SYT7: variants seen among roughly 807,000 people sequenced by gnomAD.
SYT7 encodes the protein synaptotagmin-7.
Under a neutral mutation model 75.1 loss-of-function variants are expected in SYT7, and 29 were observed. The observed-to-expected ratio is 0.39, with a 90% confidence interval of 0.29 to 0.53. SYT7 has a LOEUF of 0.53. Ranked by LOEUF, SYT7 falls within the 20% of genes least tolerant of loss-of-function variation. The pLI is 0.77. For missense variants in SYT7, 693 were observed against 953.2 expected (o/e 0.73, Z 3.59); for synonymous variants, 376 against 401.7 (o/e 0.94, Z 0.76).
rs1478565256 is a variant in SYT7 at position 61,538,320 on chromosome 11, C to T, written c.942-54G>A. On this transcript the variant is annotated intron_variant, in intron 6 of 12. Coordinates refer to ENST00000539008, the MANE Select transcript of SYT7 (RefSeq NM_001365809.2). ...GGGTGAAACGAGGAGGCCCCGTGGG[C>T]GGGGGCAGGGGGGAAGGAGAGAGAG... 6.8e-5 allele frequency: 63 copies of T among 929,350 alleles called. No homozygotes were observed. In the East Asian group the frequency reaches 1.1e-3, roughly 16 times the overall value. 57.6% of individuals were successfully genotyped at this position (929,350 alleles called of 1,614,324 possible).
chr11:61,543,177 G>A (rs1214575942), intron 5 of SYT7, among the ~76,000 whole-genome samples: 1 of 152,224 alleles, frequency 6.6e-6, no homozygotes, highest in Non-Finnish European at 1.5e-5. Flanking sequence ...CCTGTGGCCA[G>A]CACAGCCTTA....
intron 1 of SYT7, among the ~76,000 whole-genome samples, chr11:61,578,872 T>G (rs1590967652): frequency 6.6e-6 from 1 of 151,830 alleles, no homozygotes. Context: ...GCAACTGGGG[T>G]GGGCAAGACA....
intron 3 of SYT7, among the ~76,000 whole-genome samples, chr11:61,548,460 C>A (rs1242164072): frequency 6.6e-6 from 1 of 152,208 alleles, no homozygotes; most frequent in Non-Finnish European, 1.5e-5. Flanking sequence ...ACCAGCTCAT[C>A]AGGCTACTGG....
rs2062111283 is a variant in SYT7 at position 61,514,670 on chromosome 11, A to G, written c.*3957T>C. ...TGGCCAGAAGAAACAGGTGGAAGGAAAGAGCTTGCCCAGGGCCACAGAGGC... is the reference window on the plus strand; with the variant it reads ...TGGCCAGAAGAAACAGGTGGAAGGAGAGAGCTTGCCCAGGGCCACAGAGGC... On this transcript the variant is annotated 3_prime_UTR_variant, in exon 13 of 13. Coordinates refer to ENST00000539008, the MANE Select transcript of SYT7 (RefSeq NM_001365809.2). 6.6e-6 allele frequency among the ~76,000 whole-genome samples: 1 copy of G among 152,172 alleles called. No homozygotes were observed. The highest frequency in any genetic ancestry group is 1.5e-5 in the Non-Finnish European group (1 of 68,036).
In SYT7 at chr11:61,513,810, C is replaced by T. The variant is rs760741608; in HGVS notation, c.*4817G>A. Among the ~76,000 whole-genome samples, 2 of 152,210 alleles carry T rather than the reference C, an allele frequency of 1.3e-5. No individual in the cohort carries two copies. Among genetic ancestry groups the T allele is most frequent in the South Asian group, 4.1e-4 (2 of 4,828 alleles). On this transcript the variant is annotated 3_prime_UTR_variant, in exon 13 of 13. Coordinates refer to ENST00000539008, the MANE Select transcript of SYT7 (RefSeq NM_001365809.2). ...CCCTGCCCAGGGGGCTCACAATCTACACAAGACACGACACATACACGCAGG... is the reference window on the plus strand; with the variant it reads ...CCCTGCCCAGGGGGCTCACAATCTATACAAGACACGACACATACACGCAGG...
intron 1 of SYT7, among the ~76,000 whole-genome samples, chr11:61,570,044 G>A (rs907088009): frequency 6.6e-6 from 1 of 152,210 alleles, no homozygotes; most frequent in Non-Finnish European, 1.5e-5. Flanking sequence ...GGCCCTCCTG[G>A]GCCACACAGC....
intron 1 of SYT7, among the ~76,000 whole-genome samples, chr11:61,577,909 A>C (rs1376371407): frequency 6.6e-6 from 1 of 152,018 alleles, no homozygotes; most frequent in African/African-American, 2.4e-5. Context: ...CTGCCTGCCC[A>C]CTGCAACGCT....
intron 5 of SYT7, 78 bp downstream of exon 5, chr11:61,545,953 G>T: frequency 7.4e-7 from 1 of 1,350,684 alleles, no homozygotes; most frequent in South Asian, 1.3e-5. Context: ...CAGCGGGCAT[G>T]CCAGGGGTCC....
Position 61,556,111 on chromosome 11 carries a change from CGCT to C in SYT7, c.125_127del (p.Gln42del). ...GGCCCTCAGGAGCCTCACCAGTTTG[CGCT>C]GACACCAGTGGCAGAGGCCGCAGAG... On this transcript the variant is annotated inframe_deletion, in exon 2 of 13. Coordinates refer to ENST00000539008, the MANE Select transcript of SYT7 (RefSeq NM_001365809.2). 1 of 1,613,360 alleles carries C rather than the reference CGCT, an allele frequency of 6.2e-7. No homozygotes were observed. The highest frequency in any genetic ancestry group is 8.5e-7 in the Non-Finnish European group (1 of 1,179,664).
chr11:61,571,684 G>A (rs917525116), intron 1 of SYT7, among the ~76,000 whole-genome samples: 7 of 152,320 alleles, frequency 4.6e-5, no homozygotes, highest in Non-Finnish European at 8.8e-5. Context: ...TGGCTCCCAC[G>A]GCCCAAAGAT....
chr11:61,547,197 G>A lies in SYT7; in HGVS notation c.327C>T (p.Gly109=), dbSNP rs189638022. 11 of 1,535,480 alleles carry A rather than the reference G, an allele frequency of 7.2e-6. No individual in the cohort carries two copies. Among genetic ancestry groups the A allele is most frequent in the African/African-American group, 6.8e-5 (5 of 72,998 alleles). Residue 109 remains glycine (G), a synonymous_variant, in exon 4 of 13, where the codon GGC becomes GGT. Transcript: ENST00000539008. ...ILNISPYAPY[G]DPRLSLNGTL... ...CTCACTTGAGGGACAGTCGTGGGTCGCCATAAGGGGCGTAGGGTGAAATGT... is the reference window on the plus strand; with the variant it reads ...CTCACTTGAGGGACAGTCGTGGGTCACCATAAGGGGCGTAGGGTGAAATGT...
At chr11:61,538,107 TGCC>T (rs771558579) in intron 7 of SYT7, 34 bp downstream of exon 7, 12 of 1,532,526 alleles carry the variant, frequency 7.8e-6, no homozygotes, top group Non-Finnish European at 1.0e-5. Flanking sequence ...CCTCCTTCTC[TGCC>T]GCCGCCGCCG....
chr11:61,552,555 C>A (rs978084630), intron 2 of SYT7, among the ~76,000 whole-genome samples: 2 of 152,222 alleles, frequency 1.3e-5, no homozygotes, highest in Non-Finnish European at 2.9e-5. Context: ...ACAGCCACAA[C>A]AGTCAATTAT....
intron 1 of SYT7, among the ~76,000 whole-genome samples, chr11:61,579,893 G>T (rs963729808): frequency 7.2e-5 from 11 of 152,222 alleles, no homozygotes; most frequent in African/African-American, 2.4e-4. Flanking sequence ...GTGGGAGCGG[G>T]GATGGAGCCT....
In SYT7 at chr11:61,524,288, G is replaced by C; in HGVS notation, c.1641+75C>G. The C allele has an allele frequency of 6.4e-7, 1 of 1,563,044 alleles. No homozygotes were observed. The highest frequency in any genetic ancestry group is 8.7e-7 in the Non-Finnish European group (1 of 1,150,234). On this transcript the variant is annotated intron_variant, in intron 10 of 12. Transcript: ENST00000539008. The surrounding 1 kb of genome is among the most constrained non-coding windows in gnomAD (Gnocchi z 4.1). Reference sequence around the variant, plus strand: ...CAGCCCTCCTGGCCTTCCTAAGGTTGACAAGGGTCTGGGACCAGATCTCCC... The same window carrying C: ...CAGCCCTCCTGGCCTTCCTAAGGTTCACAAGGGTCTGGGACCAGATCTCCC...
intron 7 of SYT7, chr11:61,533,565 G>A (rs1441616594): frequency 1.0e-6 from 1 of 985,284 alleles, no homozygotes; most frequent in Non-Finnish European, 1.2e-6. Context: ...ATTACCCTCT[G>A]CAAACACGCC....
intron 7 of SYT7, among the ~76,000 whole-genome samples, chr11:61,537,390 A>G (rs1033267852): frequency 1.6e-4 from 24 of 151,706 alleles, no homozygotes; most frequent in Non-Finnish European, 1.2e-4. Context: ...AATTCCTGAT[A>G]GCTGAGGCTG....
At position 61,523,709 on chromosome 11, in the gene SYT7, C is replaced by A. The variant is rs1188034082; in HGVS notation, c.1756+118G>T. The A allele has an allele frequency of 7.8e-6, 8 of 1,020,050 alleles. No individual in the cohort carries two copies. Among genetic ancestry groups the A allele is most frequent in the Non-Finnish European group, 1.2e-5 (8 of 685,810 alleles). The allele number at this position is 1,020,050 out of a possible 1,614,324, so 63.2% of individuals were successfully genotyped here. ...AGGGTAAGGAGTGAGGACTGGAGGT[C>A]GGGGTGTGGCGGGTTGGGGTGAGGA... is the stretch of plus-strand genomic sequence containing the variant. On this transcript the variant is annotated intron_variant, in intron 11 of 12. Coordinates refer to ENST00000539008, the MANE Select transcript of SYT7 (RefSeq NM_001365809.2). The surrounding 1 kb of genome is among the most constrained non-coding windows in gnomAD (Gnocchi z 5.0).
chr11:61,575,985 C>T (rs528881482), intron 1 of SYT7, among the ~76,000 whole-genome samples: 3 of 152,168 alleles, frequency 2.0e-5, no homozygotes, highest in East Asian at 1.9e-4. Flanking sequence ...CCTCAGCTCC[C>T]GGTCCATTCT....
Sources: gnomAD v4.1 joint callset for allele counts (sites outside exome capture counted in the v4.1 genomes callset) on GRCh38, gnomAD v4.1.1 for gene constraint, Gnocchi (gnomAD v3.1) non-coding constraint, MANE v1.5 for transcripts, NCBI Gene and HGNC (gene_info 2026-07-23, HGNC 2026-07-21) for gene names.